Variants in TENM4 observed in about 807,000 individuals in gnomAD.
TENM4 encodes teneurin-4.
TENM4 carries 82 observed loss-of-function variants against 243.3 expected under a neutral mutation model. That is an observed-to-expected ratio of 0.34 (90% CI 0.28 to 0.40). The LOEUF (loss-of-function observed/expected upper bound fraction) is 0.40. TENM4 is among the 10% of genes least tolerant of loss of function. The pLI, the probability that TENM4 is intolerant of heterozygous loss-of-function variation, is 1.00. For synonymous variants in TENM4, 1,412 were observed against 1,456.3 expected (o/e 0.97, Z 0.69); for missense variants, 3,138 against 3,673.3 (o/e 0.85, Z 3.77).
intron 2 of TENM4, among the ~76,000 whole-genome samples, chr11:79,247,281 G>A (rs1312642054): frequency 1.3e-5 from 2 of 151,998 alleles, no homozygotes; most frequent in African/African-American, 2.4e-5. Flanking sequence ...GCCGGGCATG[G>A]TGGCAAGTGC....
At chr11:79,395,183 T>TTCC (rs757416920) in intron 1 of TENM4, among the ~76,000 whole-genome samples, 39 of 152,238 alleles carry the variant, frequency 2.6e-4, no homozygotes, top group Admixed American at 1.4e-3. Flanking sequence ...AAACAACTAA[T>TTCC]TCCTCCCTGA....
intron 6 of TENM4, among the ~76,000 whole-genome samples, chr11:78,989,093 G>A (rs575768399): frequency 6.6e-6 from 1 of 152,334 alleles, no homozygotes; most frequent in South Asian, 2.1e-4. Flanking sequence ...CCTGAATAAT[G>A]TCAAATCTTA....
intron 6 of TENM4, among the ~76,000 whole-genome samples, chr11:79,028,474 A>G (rs552849779): frequency 2.0e-5 from 3 of 152,368 alleles, no homozygotes; most frequent in East Asian, 3.9e-4. Context: ...GCCTCAGCCA[A>G]TCTTTTCAAG....
At chr11:78,902,119 G>A (rs1855941659) in intron 7 of TENM4, among the ~76,000 whole-genome samples, 1 of 152,138 alleles carries the variant, frequency 6.6e-6, no homozygotes, top group East Asian at 1.9e-4. Flanking sequence ...ACTACTTTAG[G>A]AAGTAGGGTA....
intron 6 of TENM4, among the ~76,000 whole-genome samples, chr11:78,942,813 C>T (rs1035417222): frequency 8.9e-6 from 1 of 111,848 alleles, no homozygotes; most frequent in Non-Finnish European, 1.8e-5. Context: ...TCATGACAGA[C>T]AAAAAAAAAA....
chr11:78,971,189 A>G (rs367572799), intron 6 of TENM4, among the ~76,000 whole-genome samples: 4 of 151,850 alleles, frequency 2.6e-5, no homozygotes, highest in East Asian at 3.9e-4. Flanking sequence ...TTCTTTTTAC[A>G]CTTTTAAAGA....
chr11:79,190,885 C>T (rs1452684451), intron 3 of TENM4, among the ~76,000 whole-genome samples: 1 of 18,670 alleles, frequency 5.4e-5, no homozygotes, highest in African/African-American at 4.1e-4. Flanking sequence ...CTCCCTCTCC[C>T]GTCTCCCTCT....
At chr11:79,276,782 C>T (rs750769430) in intron 2 of TENM4, among the ~76,000 whole-genome samples, 3 of 152,104 alleles carry the variant, frequency 2.0e-5, no homozygotes, top group African/African-American at 7.2e-5. Flanking sequence ...GCAGCCTCCC[C>T]TCTCCCTCCC....
At chr11:78,956,742 C>A (rs891921377) in intron 6 of TENM4, among the ~76,000 whole-genome samples, 1 of 152,142 alleles carries the variant, frequency 6.6e-6, no homozygotes, top group Non-Finnish European at 1.5e-5. Context: ...AATGTTTAAC[C>A]AAAACTCATT....
At chr11:78,663,392 G>T (rs185905872) in intron 32 of TENM4, among the ~76,000 whole-genome samples, 8 of 152,320 alleles carry the variant, frequency 5.3e-5, no homozygotes, top group Admixed American at 2.0e-4. Flanking sequence ...GATCCCCACT[G>T]TTGGAGGTGG....
Position 78,732,339 on chromosome 11 carries a change from C to A in TENM4, c.3115G>T (p.Gly1039Cys). 1 of 1,608,176 alleles carries A rather than the reference C, an allele frequency of 6.2e-7. No homozygotes were observed. The highest frequency in any genetic ancestry group is 8.5e-7 in the Non-Finnish European group (1 of 1,175,486). Residue 1039 changes from glycine (G) to cysteine (C), a missense_variant, in exon 21 of 34, where the codon GGC (glycine) becomes TGC (cysteine). By Grantham distance (159) the Gly-to-Cys change is radical. Coordinates refer to ENST00000278550, the MANE Select transcript of TENM4 (RefSeq NM_001098816.3). The stretch of plus-strand genomic sequence containing the variant: ...ACCTGAATTTCCGGCACAATGGGGC[C>A]TTTCTCTGCACAGGAGCTGGCGAAG... Reference protein sequence around the residue: ...TSFASSCAEKGPIVPEIQALQ... With the variant: ...TSFASSCAEKCPIVPEIQALQ...
At chr11:78,891,612 C>T (rs1052102496) in intron 7 of TENM4, among the ~76,000 whole-genome samples, 8 of 152,194 alleles carry the variant, frequency 5.3e-5, no homozygotes, top group African/African-American at 1.9e-4. Flanking sequence ...GTGTCCGGGA[C>T]TGAGCTAGGT....
chr11:79,193,169 C>T (rs2135171373), intron 3 of TENM4: 1 of 152,366 alleles, frequency 6.6e-6, no homozygotes, highest in East Asian at 1.9e-4. Flanking sequence ...GGTACCATTT[C>T]TGGAGCAGCT....
intron 18 of TENM4, 128 bp from the exon 19 acceptor site, chr11:78,757,149 C>A: frequency 1.0e-6 from 1 of 996,102 alleles, no homozygotes; most frequent in South Asian, 1.7e-5. Flanking sequence ...CTGATATAAG[C>A]CAAAGTCTTT....
chr11:79,199,786 G>A (rs1416915207), intron 3 of TENM4, among the ~76,000 whole-genome samples: 2 of 152,204 alleles, frequency 1.3e-5, no homozygotes, highest in Non-Finnish European at 2.9e-5. Context: ...TTTAGTCCCA[G>A]ACAGTAATCC....
intron 1 of TENM4, among the ~76,000 whole-genome samples, chr11:79,372,090 A>G (rs149951851): frequency 3.7e-4 from 56 of 152,296 alleles, no homozygotes; most frequent in African/African-American, 1.2e-3. Context: ...GATGAACTTC[A>G]TGAGCTTTTA....
chr11:79,204,904 T>A (rs1863818402), intron 3 of TENM4, among the ~76,000 whole-genome samples: 2 of 152,210 alleles, frequency 1.3e-5, no homozygotes, highest in African/African-American at 4.8e-5. Flanking sequence ...TACACAGTGG[T>A]AAGTTCCAAC....
chr11:78,840,337 A>T (rs970545429), intron 12 of TENM4, among the ~76,000 whole-genome samples: 1 of 148,320 alleles, frequency 6.7e-6, no homozygotes, highest in African/African-American at 2.6e-5. Context: ...AAATGAAAAT[A>T]AAAAAAAAAT....
At chr11:79,219,890 T>C (rs1398165702) in intron 2 of TENM4, among the ~76,000 whole-genome samples, 9 of 152,338 alleles carry the variant, frequency 5.9e-5, no homozygotes, top group Middle Eastern at 3.4e-3. Context: ...GATAAGATGA[T>C]GCCTTGAGTT....
Sources: gnomAD v4.1 joint callset for allele counts (sites outside exome capture counted in the v4.1 genomes callset) on GRCh38, gnomAD v4.1.1 for gene constraint, MANE v1.5 for transcripts, NCBI Gene and HGNC (gene_info 2026-07-23, HGNC 2026-07-21) for gene names.